Variants in RBMS3 observed in about 807,000 individuals in gnomAD.
RBMS3 encodes the protein RNA binding motif single stranded interacting protein 3.
Under a neutral mutation model 66.8 loss-of-function variants are expected in RBMS3, and 27 were observed. The ratio of observed to expected loss-of-function variants is 0.40; its 90% CI spans 0.30 to 0.56. The LOEUF (loss-of-function observed/expected upper bound fraction) is 0.56, where lower values mean the gene tolerates loss of function less well. RBMS3 is among the 20% of genes least tolerant of loss of function. The probability of loss-of-function intolerance (pLI) is 0.40; values close to 1 mark genes in which losing one functional copy is unlikely to be tolerated. For synonymous variants in RBMS3, 188 were observed against 183.0 expected (o/e 1.03, Z -0.22); for missense variants, 513 against 549.5 (o/e 0.93, Z 0.66).
chr3:29,879,051 A>G (rs371943917), intron 7 of RBMS3, among the ~76,000 whole-genome samples: 12 of 152,262 alleles, frequency 7.9e-5, no homozygotes, highest in African/African-American at 2.4e-4. Context: ...AAATATTTAA[A>G]GTAAAAATAA....
chr3:29,711,633 G>A (rs1342005112), intron 4 of RBMS3, among the ~76,000 whole-genome samples: 1 of 152,154 alleles, frequency 6.6e-6, no homozygotes, highest in South Asian at 2.1e-4. Flanking sequence ...CAGGATCTCA[G>A]AATGAGCTTG....
chr3:29,462,897 A>T (rs541952081), intron 2 of RBMS3, among the ~76,000 whole-genome samples: 1 of 152,336 alleles, frequency 6.6e-6, no homozygotes, highest in Admixed American at 6.5e-5. Context: ...TTTAGAGATG[A>T]TCTTCAGTCA....
chr3:29,454,983 G>A (rs1052198463), intron 2 of RBMS3, among the ~76,000 whole-genome samples: 3 of 152,182 alleles, frequency 2.0e-5, no homozygotes, highest in South Asian at 4.1e-4. Flanking sequence ...ATTGGTATTT[G>A]GCATTTTTGT....
At chr3:29,943,515 G>A (rs1189330917) in intron 11 of RBMS3, among the ~76,000 whole-genome samples, 3 of 151,818 alleles carry the variant, frequency 2.0e-5, no homozygotes, top group Non-Finnish European at 2.9e-5. Flanking sequence ...TGATTGCCAT[G>A]TAGTTTAATT....
intron 5 of RBMS3, among the ~76,000 whole-genome samples, chr3:29,759,034 A>T (rs2055547635): frequency 6.6e-6 from 1 of 152,174 alleles, no homozygotes; most frequent in East Asian, 1.9e-4. Context: ...AAACTGTGTG[A>T]TTCTCTATGG....
chr3:29,635,208 C>G (rs755820281), intron 4 of RBMS3, among the ~76,000 whole-genome samples: 1 of 151,802 alleles, frequency 6.6e-6, no homozygotes, highest in Admixed American at 6.6e-5. Context: ...TTCTCTCATT[C>G]CAGTCTTTTA....
intron 7 of RBMS3, among the ~76,000 whole-genome samples, chr3:29,871,940 A>C (rs1250339079): frequency 6.6e-6 from 1 of 152,180 alleles, no homozygotes; most frequent in East Asian, 1.9e-4. Context: ...AACTTCATAC[A>C]CAGAAATTAG....
chr3:29,470,008 A>T (rs1434127318), intron 2 of RBMS3, among the ~76,000 whole-genome samples: 1 of 147,670 alleles, frequency 6.8e-6, no homozygotes, highest in East Asian at 1.9e-4. Flanking sequence ...AAATTATATA[A>T]TATGTAATTC....
chr3:29,703,509 C>G (rs986798237), intron 4 of RBMS3, among the ~76,000 whole-genome samples: 1 of 152,174 alleles, frequency 6.6e-6, no homozygotes, highest in Non-Finnish European at 1.5e-5. Flanking sequence ...TATCTTAGTA[C>G]ATGTAGGTTC....
chr3:29,728,693 G>A lies in RBMS3; in HGVS notation c.400-11027G>A, dbSNP rs529449546. ...CAGTTTACCAAAAGTTGTGCAGCCT[G>A]TTCTCTTTGGAAAGCCTCTCTTTGG... On this transcript the variant is annotated intron_variant, in intron 4 of 14. Transcript: ENST00000383767. Among the ~76,000 whole-genome samples, 7 of 152,216 alleles carry A rather than the reference G, an allele frequency of 4.6e-5. No homozygotes were observed. In the East Asian group the frequency reaches 9.7e-4, roughly 21 times the overall value.
At chr3:29,656,596 G>A (rs1474339469) in intron 4 of RBMS3, among the ~76,000 whole-genome samples, 2 of 152,146 alleles carry the variant, frequency 1.3e-5, no homozygotes, top group Non-Finnish European at 2.9e-5. Flanking sequence ...ATAATGTAAA[G>A]AGAGCAAAAC....
intron 5 of RBMS3, among the ~76,000 whole-genome samples, chr3:29,755,587 C>T (rs188798848): frequency 9.2e-4 from 140 of 152,282 alleles, no homozygotes; most frequent in Non-Finnish European, 1.6e-3. Flanking sequence ...ACGTTTACCA[C>T]CCTGAGAGCT....
intron 5 of RBMS3, among the ~76,000 whole-genome samples, chr3:29,752,161 G>A (rs1268032076): frequency 6.6e-6 from 1 of 152,140 alleles, no homozygotes; most frequent in South Asian, 2.1e-4. Flanking sequence ...GAGCTGGAAG[G>A]GCAATATAGT....
At chr3:29,694,971 G>C (rs1222130920) in intron 4 of RBMS3, among the ~76,000 whole-genome samples, 1 of 152,094 alleles carries the variant, frequency 6.6e-6, no homozygotes, top group Non-Finnish European at 1.5e-5. Flanking sequence ...GCTAAGCAAT[G>C]TCTGCTATTT....
chr3:29,520,371 C>A (rs1039513454), intron 3 of RBMS3, among the ~76,000 whole-genome samples: 7 of 152,124 alleles, frequency 4.6e-5, no homozygotes, highest in African/African-American at 1.7e-4. Context: ...TCTAAAAATT[C>A]GGATACTAGA....
At chr3:29,296,665 A>G (rs190277555) in intron 1 of RBMS3, among the ~76,000 whole-genome samples, 112 of 151,964 alleles carry the variant, frequency 7.4e-4, no homozygotes, top group African/African-American at 2.7e-3. Context: ...GCTACCTAAA[A>G]TATGTCTAGA....
At chr3:29,967,456 C>T (rs957664695) in intron 12 of RBMS3, among the ~76,000 whole-genome samples, 6 of 152,034 alleles carry the variant, frequency 3.9e-5, no homozygotes, top group South Asian at 4.2e-4. Context: ...TCACCATGTC[C>T]GGCTAATTTT....
chr3:29,424,629 G>T (rs1346585348), intron 1 of RBMS3, among the ~76,000 whole-genome samples: 2 of 152,108 alleles, frequency 1.3e-5, no homozygotes, highest in African/African-American at 4.8e-5. Context: ...TTCACTTTCA[G>T]AAAAGCAAAG....
chr3:29,753,836 G>A (rs947370170), intron 5 of RBMS3, among the ~76,000 whole-genome samples: 5 of 152,216 alleles, frequency 3.3e-5, no homozygotes, highest in Non-Finnish European at 5.9e-5. Flanking sequence ...ACTGAGCTGT[G>A]AAATCTGACC....
Sources: allele counts gnomAD v4.1 joint callset (sites outside exome capture counted in the v4.1 genomes callset), GRCh38; gene constraint gnomAD v4.1.1; transcripts MANE v1.5; gene names NCBI Gene and HGNC (gene_info 2026-07-23, HGNC 2026-07-21).